Variants in KCNMA1 observed in about 807,000 individuals in gnomAD.
The protein encoded by KCNMA1 is Calcium-activated potassium channel subunit alpha-1.
In KCNMA1, 29 loss-of-function variants were observed where a neutral mutation model predicts 140.0. The ratio of observed to expected loss-of-function variants is 0.21; its 90% CI spans 0.15 to 0.28. The LOEUF (loss-of-function observed/expected upper bound fraction) is 0.28. Among genes scored for constraint, KCNMA1 ranks in the 10% least tolerant of loss-of-function variants. The pLI, the probability that KCNMA1 is intolerant of heterozygous loss-of-function variation, is 1.00. For missense variants in KCNMA1, 880 were observed against 1,602.2 expected (o/e 0.55, Z 7.70); for synonymous variants, 612 against 611.9 (o/e 1.00, Z 0.00).
chr10:76,944,662 C>T (rs900047469), intron 23 of KCNMA1, 111 bp downstream of exon 23: 4 of 1,019,152 alleles, frequency 3.9e-6, no homozygotes, highest in Non-Finnish European at 6.1e-6. Flanking sequence ...GCAGGTTTCA[C>T]TGCCAGGCAG....
chr10:77,109,397 A>G (rs1005322031), intron 8 of KCNMA1, among the ~76,000 whole-genome samples: 2 of 32,264 alleles, frequency 6.2e-5, no homozygotes, highest in Non-Finnish European at 1.2e-4. Flanking sequence ...CACTCGCTTC[A>G]TAAATGGCAA....
intron 1 of KCNMA1, among the ~76,000 whole-genome samples, chr10:77,418,016 G>T (rs1339210234): frequency 6.6e-6 from 1 of 152,196 alleles, no homozygotes; most frequent in Non-Finnish European, 1.5e-5. Context: ...GGAAGAACTG[G>T]CTGGGTTCCA....
At chr10:77,258,919 C>T (rs990374446) in intron 2 of KCNMA1, among the ~76,000 whole-genome samples, 13 of 152,074 alleles carry the variant, frequency 8.5e-5, no homozygotes, top group Middle Eastern at 3.2e-3. Flanking sequence ...GCCGAGATAA[C>T]GCCACTGCAC....
intron 18 of KCNMA1, among the ~76,000 whole-genome samples, chr10:77,010,457 G>A (rs1009165694): frequency 4.6e-5 from 7 of 151,912 alleles, no homozygotes; most frequent in Middle Eastern, 3.2e-3. Context: ...TCAGAATCGG[G>A]GAATTCTTGT....
chr10:77,105,269 A>G (rs2097177929), intron 9 of KCNMA1, among the ~76,000 whole-genome samples: 1 of 152,218 alleles, frequency 6.6e-6, no homozygotes, highest in South Asian at 2.1e-4. Flanking sequence ...AGAGGCTTTG[A>G]GAATGCTACT....
intron 5 of KCNMA1, among the ~76,000 whole-genome samples, chr10:77,152,278 T>TTGGGTGTGTGTG (rs368106782): frequency 4.0e-5 from 4 of 99,188 alleles, no homozygotes; most frequent in Non-Finnish European, 8.6e-5. Context: ...TTTTTTGCTT[T>TTGGGTGTGTGTG]TGTGTGTGTG....
chr10:77,613,948 C>T lies in KCNMA1; in HGVS notation c.378+23317G>A, dbSNP rs574813715. 8.9e-4 allele frequency among the ~76,000 whole-genome samples: 136 copies of T among 152,358 alleles called. 6 individuals are homozygous for T. In the South Asian group the frequency reaches 0.027, roughly 30 times the overall value. On this transcript the variant is annotated intron_variant, in intron 1 of 27. Transcript: ENST00000286628. The stretch of plus-strand genomic sequence containing the variant: ...TCACAAAATACCCTTTCTTCTGAGG[C>T]AGTCAGGCATGAGAGGCTTCAGGAG...
intron 1 of KCNMA1, among the ~76,000 whole-genome samples, chr10:77,595,100 C>A (rs978781590): frequency 1.3e-5 from 2 of 152,204 alleles, no homozygotes; most frequent in Admixed American, 1.3e-4. Context: ...AATCCCAGCA[C>A]TTTGGGAGGC....
At chr10:76,891,305 C>A in intron 26 of KCNMA1, 1 of 580,156 alleles carries the variant, frequency 1.7e-6, no homozygotes, top group Non-Finnish European at 3.1e-6. Context: ...GATACTAGAA[C>A]TTATATCAAA....
chr10:77,387,776 C>A (rs2095668217), intron 2 of KCNMA1, among the ~76,000 whole-genome samples: 1 of 152,020 alleles, frequency 6.6e-6, no homozygotes, highest in South Asian at 2.1e-4. Flanking sequence ...TGCCAGCATG[C>A]TCAGCTAATT....
At chr10:77,201,970 A>T (rs2042635478) in intron 3 of KCNMA1, among the ~76,000 whole-genome samples, 1 of 152,244 alleles carries the variant, frequency 6.6e-6, no homozygotes, top group South Asian at 2.1e-4. Context: ...CTTGGAAAGG[A>T]TACAGAAACT....
chr10:77,366,124 CT>C (rs2094338737), intron 2 of KCNMA1, among the ~76,000 whole-genome samples: 1 of 90,120 alleles, frequency 1.1e-5, no homozygotes, highest in South Asian at 3.7e-4. Flanking sequence ...CTTTCTTTTT[CT>C]TTTCTTCTCT....
chr10:77,546,800 G>A (rs1375603572), intron 1 of KCNMA1, among the ~76,000 whole-genome samples: 1 of 152,194 alleles, frequency 6.6e-6, no homozygotes, highest in Non-Finnish European at 1.5e-5. Context: ...AAGATGGCGG[G>A]GCAGACCTGG....
Position 77,086,472 on chromosome 10 carries a change from A to G in KCNMA1, c.1440+16T>C, listed in dbSNP as rs918780347. 4 of 1,572,416 alleles carry G rather than the reference A, an allele frequency of 2.5e-6. 1 individual carries two copies. In the African/African-American group the frequency reaches 5.4e-5, roughly 21 times the overall value. ...CCAAGATGGAATAAAAGCAGAAGTC[A>G]CCTCTTCCTCCTTACCTTGACTCTT... On this transcript the variant is annotated intron_variant, in intron 11 of 27. Coordinates refer to ENST00000286628, the MANE Select transcript of KCNMA1 (RefSeq NM_001161352.2).
chr10:77,581,777 C>T (rs1436853849), intron 1 of KCNMA1, among the ~76,000 whole-genome samples: 1 of 152,228 alleles, frequency 6.6e-6, no homozygotes, highest in African/African-American at 2.4e-5. Flanking sequence ...ACTAGGAGTG[C>T]TGCAGGTGGT....
At chr10:77,178,279 C>T (rs536799794) in intron 5 of KCNMA1, among the ~76,000 whole-genome samples, 39 of 152,246 alleles carry the variant, frequency 2.6e-4, no homozygotes, top group Non-Finnish European at 5.3e-4. Flanking sequence ...CAGGGTGGCC[C>T]GGCATGTGTT....
intron 2 of KCNMA1, among the ~76,000 whole-genome samples, chr10:77,343,175 G>A (rs1036825680): frequency 2.6e-5 from 4 of 152,138 alleles, no homozygotes; most frequent in Non-Finnish European, 4.4e-5. Context: ...GGGTCGGGGG[G>A]TTACCAGAGA....
At chr10:77,244,433 T>C (rs931176603) in intron 3 of KCNMA1, among the ~76,000 whole-genome samples, 4 of 152,210 alleles carry the variant, frequency 2.6e-5, no homozygotes, top group African/African-American at 9.6e-5. Flanking sequence ...TGCTTCTAGA[T>C]GCCATTGCCT....
intron 19 of KCNMA1, 199 bp from the exon 20 acceptor site, chr10:76,970,266 C>A: frequency 1.7e-6 from 1 of 585,344 alleles, no homozygotes; most frequent in Non-Finnish European, 3.2e-6. Context: ...CACCTCTTTA[C>A]ACTCCAGCCT....
Sources: allele counts gnomAD v4.1 joint callset (sites outside exome capture counted in the v4.1 genomes callset), GRCh38; gene constraint gnomAD v4.1.1; transcripts MANE v1.5; gene names NCBI Gene and HGNC (gene_info 2026-07-23, HGNC 2026-07-21).